The following PDZRN3 variants were observed in gnomAD, a reference collection of about 807,000 sequenced individuals.
PDZRN3 encodes the protein E3 ubiquitin-protein ligase PDZRN3.
Under a neutral mutation model 85.7 loss-of-function variants are expected in PDZRN3, and 38 were observed. That is an observed-to-expected ratio of 0.44 (90% CI 0.34 to 0.58). PDZRN3 has a LOEUF of 0.58. Among genes scored for constraint, PDZRN3 ranks in the 20% least tolerant of loss-of-function variants. PDZRN3 has a pLI of 0.01. For synonymous variants in PDZRN3, 759 were observed against 638.0 expected (o/e 1.19, Z -2.86); for missense variants, 1,629 against 1,506.4 (o/e 1.08, Z -1.35).
chr3:73,591,018 T>C (rs1702350087), intron 3 of PDZRN3, among the ~76,000 whole-genome samples: 1 of 152,230 alleles, frequency 6.6e-6, no homozygotes, highest in Admixed American at 6.5e-5. Context: ...ATCAAACTGA[T>C]ATTTTGTCAA....
chr3:73,482,794 A>C (rs1413237648), intron 3 of PDZRN3, among the ~76,000 whole-genome samples: 1 of 152,182 alleles, frequency 6.6e-6, no homozygotes, highest in Non-Finnish European at 1.5e-5. Flanking sequence ...AATTTATGGG[A>C]TCTTTAACTT....
chr3:73,527,961 C>T (rs1704563709), intron 3 of PDZRN3, among the ~76,000 whole-genome samples: 1 of 152,228 alleles, frequency 6.6e-6, no homozygotes, highest in Non-Finnish European at 1.5e-5. Flanking sequence ...TGGCTCAACT[C>T]ATGAGGTCTC....
intron 3 of PDZRN3, among the ~76,000 whole-genome samples, chr3:73,440,399 A>G (rs1378939846): frequency 6.6e-6 from 1 of 152,158 alleles, no homozygotes; most frequent in Non-Finnish European, 1.5e-5. Context: ...TGCCACAGGA[A>G]CTGAGAATGG....
At chr3:73,552,223 GGAGT>G (rs997644961) in intron 3 of PDZRN3, among the ~76,000 whole-genome samples, 1 of 107,076 alleles carries the variant, frequency 9.3e-6, no homozygotes, top group African/African-American at 3.6e-5. Context: ...GGGAATTAAA[GGAGT>G]GTGTGTGTGT....
intron 3 of PDZRN3, among the ~76,000 whole-genome samples, chr3:73,588,570 A>G (rs912782164): frequency 1.3e-5 from 2 of 151,950 alleles, no homozygotes; most frequent in African/African-American, 2.4e-5. Flanking sequence ...CCTGACTTCT[A>G]CTCCCACTAA....
At chr3:73,414,279 C>T (rs1355665140) in intron 3 of PDZRN3, among the ~76,000 whole-genome samples, 1 of 152,110 alleles carries the variant, frequency 6.6e-6, no homozygotes, top group African/African-American at 2.4e-5. Flanking sequence ...TATGAAAATT[C>T]CTTAAACACA....
At chr3:73,414,986 G>C (rs1459251980) in intron 3 of PDZRN3, among the ~76,000 whole-genome samples, 1 of 152,188 alleles carries the variant, frequency 6.6e-6, no homozygotes, top group Non-Finnish European at 1.5e-5. Context: ...CATGCAGTAT[G>C]CTTGGCACTG....
At chr3:73,448,217 T>C (rs1559684842) in intron 3 of PDZRN3, among the ~76,000 whole-genome samples, 1 of 152,220 alleles carries the variant, frequency 6.6e-6, no homozygotes, top group Non-Finnish European at 1.5e-5. Flanking sequence ...GCACATGCCA[T>C]TGTGACCTGG....
chr3:73,508,063 C>G (rs1422990063), intron 3 of PDZRN3, among the ~76,000 whole-genome samples: 1 of 152,082 alleles, frequency 6.6e-6, no homozygotes, highest in Non-Finnish European at 1.5e-5. Context: ...CCATTGCACT[C>G]CAGCCTGGGT....
At chr3:73,457,214 A>G (rs1193875263) in intron 3 of PDZRN3, among the ~76,000 whole-genome samples, 2 of 151,868 alleles carry the variant, frequency 1.3e-5, no homozygotes, top group African/African-American at 4.8e-5. Context: ...CTGGGATTAT[A>G]GGCGCCCACC....
At chr3:73,463,842 A>G (rs1703155669) in intron 3 of PDZRN3, among the ~76,000 whole-genome samples, 1 of 152,234 alleles carries the variant, frequency 6.6e-6, no homozygotes, top group African/African-American at 2.4e-5. Context: ...ACTAATGGAT[A>G]GTAGACTTAA....
chr3:73,497,683 TTCAAATATACC>T lies in PDZRN3; in HGVS notation c.919-93299_919-93289del, dbSNP rs1415149178. Among the ~76,000 whole-genome samples the T allele has an allele frequency of 2.6e-5, 4 of 152,346 alleles. No individual in the cohort carries two copies. In the East Asian group the frequency reaches 7.7e-4, roughly 29 times the overall value. On this transcript the variant is annotated intron_variant, in intron 3 of 9. Coordinates refer to ENST00000263666, the MANE Select transcript of PDZRN3 (RefSeq NM_015009.3). ...ACAGTTATCAACGTGTTAATCTTGT[TTCAAATATACC>T]TCAAATGGTTTTACAACAGGGACAG... is the stretch of plus-strand genomic sequence containing the variant.
chr3:73,512,289 T>C (rs1258220808), intron 3 of PDZRN3, among the ~76,000 whole-genome samples: 2 of 152,228 alleles, frequency 1.3e-5, no homozygotes, highest in Non-Finnish European at 2.9e-5. Flanking sequence ...TGTGCACCAC[T>C]AGGAACGCAC....
At chr3:73,520,570 C>T (rs1405535751) in intron 3 of PDZRN3, among the ~76,000 whole-genome samples, 1 of 152,146 alleles carries the variant, frequency 6.6e-6, no homozygotes, top group Non-Finnish European at 1.5e-5. Context: ...TCCAAGTTGT[C>T]TTTACAGCCC....
chr3:73,602,484 T>C (rs1559754506), intron 2 of PDZRN3, 23 bp from the exon 3 acceptor site: 3 of 1,114,100 alleles, frequency 2.7e-6, no homozygotes, highest in Non-Finnish European at 2.7e-6. Flanking sequence ...AAAAAAAACA[T>C]GCATGAATGC....
At chr3:73,429,661 G>T (rs1702389729) in intron 3 of PDZRN3, among the ~76,000 whole-genome samples, 1 of 152,182 alleles carries the variant, frequency 6.6e-6, no homozygotes, top group Non-Finnish European at 1.5e-5. Context: ...TAGTTTTCTG[G>T]CAGGTCACAG....
chr3:73,411,224 GTGGCTC>G (rs1313039221), intron 3 of PDZRN3, among the ~76,000 whole-genome samples: 3 of 152,212 alleles, frequency 2.0e-5, no homozygotes, highest in Non-Finnish European at 4.4e-5. Context: ...AAATAACCAA[GTGGCTC>G]TGGCCAAGCT....
intron 3 of PDZRN3, among the ~76,000 whole-genome samples, chr3:73,416,875 G>GTTTTTTTTTTTTTTTTTTTTTTTTTT (rs1491373717): frequency 1.5e-4 from 6 of 40,748 alleles, no homozygotes; most frequent in Admixed American, 6.4e-4. Context: ...GTTTTTTTTT[G>GTTTTTTTTTTTTTTTTTTTTTTTTTT]GTTTTTTTTT....
At chr3:73,390,011 CTT>C (rs1701487342) in intron 6 of PDZRN3, 133 bp from the exon 7 acceptor site, 2 of 717,600 alleles carry the variant, frequency 2.8e-6, no homozygotes, top group East Asian at 2.5e-5. Flanking sequence ...ATAAACAAGA[CTT>C]AGTGTCGTGC....
Sources: allele counts gnomAD v4.1 joint callset (sites outside exome capture counted in the v4.1 genomes callset), GRCh38; gene constraint gnomAD v4.1.1; transcripts MANE v1.5; gene names NCBI Gene and HGNC (gene_info 2026-07-23, HGNC 2026-07-21).